Variants in COL20A1 observed in about 807,000 individuals in gnomAD.
The protein encoded by COL20A1 is collagen alpha-1(XX) chain.
A neutral mutation model predicts 152.9 loss-of-function variants in COL20A1; 164 were observed. The ratio of observed to expected loss-of-function variants is 1.07; its 90% CI spans 0.94 to 1.22. The LOEUF (loss-of-function observed/expected upper bound fraction) is 1.22. Among genes scored for constraint, COL20A1 ranks in the 50% most tolerant of loss-of-function variants. The probability of loss-of-function intolerance (pLI) is 0.00; values close to 1 mark genes in which losing one functional copy is unlikely to be tolerated. For missense variants in COL20A1, 1,873 were observed against 1,744.8 expected, an observed-to-expected ratio of 1.07 and a Z score of -1.31; for synonymous variants, 864 against 756.0, an observed-to-expected ratio of 1.14 and a Z score of -2.34.
intron 21 of COL20A1, among the ~76,000 whole-genome samples, chr20:63,317,520 A>G (rs2068100104): frequency 6.6e-6 from 1 of 151,712 alleles, no homozygotes; most frequent in Non-Finnish European, 1.5e-5. Flanking sequence ...TCTGTAACAG[A>G]GATTTTAAAA....
rs199729752 is a variant in COL20A1 at position 63,327,977 on chromosome 20, G to A, written c.3554G>A (p.Arg1185Gln). The change falls in exon 32 of 36, where the codon CGA (arginine) becomes CAA (glutamine). Residue 1185 changes from arginine to glutamine, a missense_variant. By Grantham distance (43) the Arg-to-Gln change is conservative. Coordinates refer to ENST00000358894, the MANE Select transcript of COL20A1 (RefSeq NM_020882.4). ...PTGLPGPKGERGEKGEPQSLA... is the reference protein window; with the variant it reads ...PTGLPGPKGEQGEKGEPQSLA... ...GGACTGCCAGGGCCCAAAGGGGAAC[G>A]AGGAGAGAAGGTAAGTGAGGCTGAG... The A allele has an allele frequency of 5.6e-6, 9 of 1,607,320 alleles. No individual in the cohort carries two copies. Among genetic ancestry groups the A allele is most frequent in the African/African-American group, 1.3e-5 (1 of 74,846 alleles).
intron 2 of COL20A1, among the ~76,000 whole-genome samples, chr20:63,295,904 C>T (rs1469904506): frequency 6.6e-6 from 1 of 152,274 alleles, no homozygotes; most frequent in African/African-American, 2.4e-5. Context: ...CCTCCCGGCA[C>T]CTGCAAGCTC....
At chr20:63,297,238 C>T (rs1326272195) in intron 2 of COL20A1, among the ~76,000 whole-genome samples, 1 of 151,846 alleles carries the variant, frequency 6.6e-6, no homozygotes, top group Non-Finnish European at 1.5e-5. Flanking sequence ...GGACCCAGCC[C>T]AGGGGACTCA....
chr20:63,307,452 G>T, intron 5 of COL20A1, 38 bp from the exon 6 acceptor site: 1 of 1,587,944 alleles, frequency 6.3e-7, no homozygotes. Flanking sequence ...ACCAGGGATG[G>T]GCCTCACCTA....
At chr20:63,325,571 TGGGGGGCACA>T in intron 28 of COL20A1, 77 bp downstream of exon 28, 1 of 1,470,364 alleles carries the variant, frequency 6.8e-7, no homozygotes, top group East Asian at 2.3e-5. Context: ...GGGGAGTGCC[TGGGGGGCACA>T]GGGGTTGGGG....
intron 27 of COL20A1, chr20:63,324,735 A>G (rs1227122883): frequency 6.5e-6 from 1 of 153,542 alleles, no homozygotes; most frequent in Admixed American, 6.4e-5. Context: ...GCTTCTAAAT[A>G]AGACTGTCAC....
chr20:63,306,651 T>C lies in COL20A1; in HGVS notation c.496+612T>C, dbSNP rs924069592. ...GACAGAAGAGAAGCCAGGTAAGGGG[T>C]GGGCACAGACGGGGGCAGTGCACTG... On this transcript the variant is annotated intron_variant, in intron 5 of 35. Transcript: ENST00000358894. The surrounding 1 kb of genome is among the most constrained non-coding windows in gnomAD (Gnocchi z 6.9). 3.4e-4 allele frequency among the ~76,000 whole-genome samples: 51 copies of C among 152,046 alleles called. No individual in the cohort carries two copies. The highest frequency in any genetic ancestry group is 1.2e-3 in the African/African-American group (50 of 41,470).
rs1461328540 is a variant in COL20A1 at position 63,308,106 on chromosome 20, GC to G, written c.775+20del. The G allele has an allele frequency of 1.9e-6, 3 of 1,611,530 alleles. No homozygotes were observed. The highest frequency in any genetic ancestry group is 2.5e-6 in the Non-Finnish European group (3 of 1,179,166). On this transcript the variant is annotated intron_variant, in intron 7 of 35. Transcript: ENST00000358894. Reference sequence around the variant, plus strand: ...ACGTTCACAGGTACGGCCCAGGCCTGCCCCTCCCTCTGTCCTGAGGGCGGAC... The same window carrying G: ...ACGTTCACAGGTACGGCCCAGGCCTGCCCTCCCTCTGTCCTGAGGGCGGAC...
chr20:63,312,946 T>G lies in COL20A1; in HGVS notation c.2076+12T>G, dbSNP rs766451739. On this transcript the variant is annotated intron_variant, in intron 16 of 35. Transcript: ENST00000358894. ...GGAAGGCTCACGAGGTGGGCAGGGG[T>G]GGGTTTGTCCTTCCGAGGGGCCCCC... 5.2e-6 allele frequency: 8 copies of G among 1,540,624 alleles called. No individual in the cohort carries two copies. Among genetic ancestry groups the G allele is most frequent in the Non-Finnish European group, 7.0e-6 (8 of 1,138,960 alleles).
intron 9 of COL20A1, 22 bp from the exon 10 acceptor site, chr20:63,309,736 C>G: frequency 1.3e-6 from 2 of 1,537,156 alleles, no homozygotes; most frequent in Non-Finnish European, 1.7e-6. Context: ...CCACCTGCCC[C>G]CCACTCCCGC....
At chr20:63,315,354 T>A in intron 19 of COL20A1, 50 bp from the exon 20 acceptor site, 1 of 1,540,590 alleles carries the variant, frequency 6.5e-7, no homozygotes. Context: ...CTGTCAGGCG[T>A]TGGAGGCTGG....
chr20:63,318,139 C>A (rs142332379), intron 21 of COL20A1, among the ~76,000 whole-genome samples: 2 of 152,186 alleles, frequency 1.3e-5, no homozygotes, highest in Non-Finnish European at 2.9e-5. Context: ...TTTGCCCTTC[C>A]AGAGCTCACA....
chr20:63,316,540 C>G lies in COL20A1; in HGVS notation c.2525-13C>G. ...GGGTCCCTCGGTGCCCCTTCCCCCA[C>G]CATCTTCCCCAGGGTTTGACCTGAT... On this transcript the variant is annotated splice_polypyrimidine_tract_variant and intron_variant, in intron 20 of 35. Coordinates refer to ENST00000358894, the MANE Select transcript of COL20A1 (RefSeq NM_020882.4). 2.5e-6 allele frequency: 4 copies of G among 1,584,218 alleles called. No individual in the cohort carries two copies. Among genetic ancestry groups the G allele is most frequent in the Non-Finnish European group, 3.4e-6 (4 of 1,166,338 alleles).
intron 33 of COL20A1, 53 bp from the exon 34 acceptor site, chr20:63,328,278 C>A (rs2123438381): frequency 3.2e-6 from 5 of 1,574,098 alleles, no homozygotes; most frequent in Non-Finnish European, 4.3e-6. Context: ...CCTGCACAGG[C>A]CTCGCATCCC....
chr20:63,319,325 G>C lies in COL20A1; in HGVS notation c.2806+125G>C, dbSNP rs2068126630. 5.9e-6 allele frequency: 7 copies of C among 1,183,238 alleles called. No homozygotes were observed. The highest frequency in any genetic ancestry group is 8.2e-6 in the Non-Finnish European group (7 of 848,780). The allele number at this position is 1,183,238 out of a possible 1,614,324, so 73.3% of individuals were successfully genotyped here. A position where few individuals can be genotyped will look rare whatever the true frequency, so the allele number is the denominator to read the frequency against. Reference sequence around the variant, plus strand: ...CAGGCCCTCAGCACCCTCTGGGTGGGAGGCAGGTGTCCCGGGCAGGGGGCT... The same window carrying C: ...CAGGCCCTCAGCACCCTCTGGGTGGCAGGCAGGTGTCCCGGGCAGGGGGCT... On this transcript the variant is annotated intron_variant, in intron 22 of 35. Coordinates refer to ENST00000358894, the MANE Select transcript of COL20A1 (RefSeq NM_020882.4). The surrounding 1 kb of genome is among the most constrained non-coding windows in gnomAD (Gnocchi z 4.4).
chr20:63,299,240 G>T (rs1568763426), intron 3 of COL20A1, among the ~76,000 whole-genome samples: 3 of 152,186 alleles, frequency 2.0e-5, no homozygotes, highest in South Asian at 2.1e-4. Flanking sequence ...GCCTGTTCTG[G>T]GTGTAAACCC....
intron 2 of COL20A1, among the ~76,000 whole-genome samples, chr20:63,295,658 C>G (rs1416477884): frequency 1.3e-5 from 2 of 152,226 alleles, no homozygotes; most frequent in Non-Finnish European, 2.9e-5. Flanking sequence ...CCTCAGAAGG[C>G]CCCTCCAGTC....
intron 6 of COL20A1, 70 bp from the exon 7 acceptor site, chr20:63,307,901 G>T (rs562873045): frequency 1.9e-6 from 3 of 1,572,470 alleles, no homozygotes; most frequent in Non-Finnish European, 1.7e-6. Flanking sequence ...CTCAGGTGTG[G>T]CCTTGTGCCA....
chr20:63,325,846 C>A, intron 29 of COL20A1, 125 bp downstream of exon 29: 1 of 878,412 alleles, frequency 1.1e-6, no homozygotes, highest in Non-Finnish European at 1.8e-6. Context: ...TCCTGCCTCA[C>A]CTGCTGCACC....
Sources: gnomAD v4.1 joint callset for allele counts (sites outside exome capture counted in the v4.1 genomes callset) on GRCh38, gnomAD v4.1.1 for gene constraint, Gnocchi (gnomAD v3.1) non-coding constraint, MANE v1.5 for transcripts, NCBI Gene and HGNC (gene_info 2026-07-23, HGNC 2026-07-21) for gene names.